SLC16A3: variants seen among roughly 807,000 people sequenced by gnomAD.
SLC16A3 encodes the protein solute carrier family 16 member 3.
In SLC16A3, 22 loss-of-function variants were observed where a neutral mutation model predicts 25.0. That is an observed-to-expected ratio of 0.88 (90% CI 0.63 to 1.26). The LOEUF (loss-of-function observed/expected upper bound fraction) is 1.26, where lower values mean the gene tolerates loss of function less well. Ranked by LOEUF, SLC16A3 falls within the 50% of genes most tolerant of loss-of-function variation. The pLI, the probability that SLC16A3 is intolerant of heterozygous loss-of-function variation, is 0.00. For synonymous variants in SLC16A3, 390 were observed against 309.2 expected, an observed-to-expected ratio of 1.26 and a Z score of -2.74; for missense variants, 731 against 666.6, an observed-to-expected ratio of 1.10 and a Z score of -1.06.
chr17:82,239,172 C>A lies in SLC16A3; in HGVS notation c.*196C>A. 1.9e-6 allele frequency: 1 copy of A among 516,722 alleles called. No individual in the cohort carries two copies. Among genetic ancestry groups the A allele is most frequent in the Non-Finnish European group, 3.2e-6 (1 of 309,052 alleles). The allele number at this position is 516,722 out of a possible 1,614,324, so 32.0% of individuals were successfully genotyped here. ...ACCGTGTCATTCCAGAGTGGATCTGCGGTGAAGCCAAGCCGCAAGGTTACA... is the reference window on the plus strand; with the variant it reads ...ACCGTGTCATTCCAGAGTGGATCTGAGGTGAAGCCAAGCCGCAAGGTTACA... On this transcript the variant is annotated 3_prime_UTR_variant, in exon 5 of 5. Coordinates refer to ENST00000582743, the MANE Select transcript of SLC16A3 (RefSeq NM_004207.4).
At chr17:82,231,107 T>G (rs1167172870) in intron 1 of SLC16A3, 2 of 151,934 alleles carry the variant, frequency 1.3e-5, no homozygotes, top group Admixed American at 1.3e-4. Context: ...CGGGGGCTCC[T>G]CCCATGGCGC....
chr17:82,233,526 G>A (rs1377619092), intron 1 of SLC16A3, among the ~76,000 whole-genome samples: 3 of 152,184 alleles, frequency 2.0e-5, no homozygotes, highest in Non-Finnish European at 4.4e-5. Context: ...TCTGTCTCCT[G>A]AGGACCCTGG....
rs368643451 is a variant in SLC16A3 at position 82,238,899 on chromosome 17, C to A, written c.1321C>A (p.Arg441=). The A allele has an allele frequency of 1.9e-6, 3 of 1,600,932 alleles. No individual in the cohort carries two copies. Among genetic ancestry groups the A allele is most frequent in the South Asian group, 1.1e-5 (1 of 89,870 alleles). The change falls in exon 5 of 5, where the codon CGG becomes AGG. Residue 441 remains arginine, a synonymous_variant. Transcript: ENST00000582743. ...KPPADSGVDL[R]EVEHFLKAEP... is the part of the protein sequence containing the mutation. The stretch of plus-strand genomic sequence containing the variant: ...TCCTGCAGACTCGGGGGTGGACTTG[C>A]GGGAGGTGGAGCATTTCCTGAAGGC...
At chr17:82,223,314 T>C (rs2050400690) in intron 1 of SLC16A3, among the ~76,000 whole-genome samples, 1 of 151,866 alleles carries the variant, frequency 6.6e-6, no homozygotes, top group Admixed American at 6.6e-5. Context: ...TCCCAAGTAG[T>C]TGGGATTACC....
chr17:82,227,959 G>A (rs1485395410), upstream of SLC16A3, among the ~76,000 whole-genome samples: 1 of 152,192 alleles, frequency 6.6e-6, no homozygotes. Context: ...AGGCCCACAC[G>A]GCCTCACTGT....
At chr17:82,223,909 C>A (rs2050403780), upstream of SLC16A3, among the ~76,000 whole-genome samples, 1 of 151,934 alleles carries the variant, frequency 6.6e-6, no homozygotes, top group African/African-American at 2.4e-5. Context: ...ATCAAGAAGA[C>A]CTGGCCAGCA....
chr17:82,226,163 A>T (rs558559623), upstream of SLC16A3, among the ~76,000 whole-genome samples: 1 of 151,784 alleles, frequency 6.6e-6, no homozygotes, highest in African/African-American at 2.4e-5. Flanking sequence ...TGGGAACAAA[A>T]GGAAGTTGGG....
chr17:82,238,045 T>A, intron 4 of SLC16A3, 152 bp downstream of exon 4: 1 of 901,872 alleles, frequency 1.1e-6, no homozygotes, highest in South Asian at 1.7e-5. Context: ...ACCCTGATTC[T>A]GCTGGGGCTA....
At chr17:82,233,451 A>C (rs7502358) in intron 1 of SLC16A3, among the ~76,000 whole-genome samples, 97,041 of 151,794 alleles carry the variant, frequency 0.64, 32,219 homozygotes, top group East Asian at 0.92. Context: ...CCTCCTTGAC[A>C]CTAATTCAGG....
intron 1 of SLC16A3, among the ~76,000 whole-genome samples, chr17:82,232,922 G>GGGT (rs1282951857): frequency 6.6e-6 from 1 of 150,890 alleles, no homozygotes; most frequent in African/African-American, 2.4e-5. Flanking sequence ...GGGCGGCGGG[G>GGGT]GGGGGGTTGG....
At chr17:82,233,270 G>C (rs1251974395) in intron 1 of SLC16A3, among the ~76,000 whole-genome samples, 1 of 152,228 alleles carries the variant, frequency 6.6e-6, no homozygotes, top group Non-Finnish European at 1.5e-5. Context: ...GGTGAGGACA[G>C]ACGATGGTGC....
chr17:82,232,815 T>G (rs1035990879), intron 1 of SLC16A3, among the ~76,000 whole-genome samples: 1 of 146,334 alleles, frequency 6.8e-6, no homozygotes, highest in Non-Finnish European at 1.5e-5. Flanking sequence ...CGTAGAGCCT[T>G]TGGGGGACCT....
intron 1 of SLC16A3, among the ~76,000 whole-genome samples, chr17:82,232,918 CGG>C (rs150048859): frequency 6.4e-5 from 3 of 47,210 alleles, no homozygotes; most frequent in African/African-American, 2.2e-4. Context: ...TGGGGGGCGG[CGG>C]GGGGGGGGTT....
In SLC16A3 at chr17:82,237,286, C is replaced by A; in HGVS notation, c.516C>A (p.Asp172Glu). The A allele has an allele frequency of 6.4e-7, 1 of 1,563,378 alleles. No individual in the cohort carries two copies. The highest frequency in any genetic ancestry group is 8.7e-7 in the Non-Finnish European group (1 of 1,154,108). Residue 172 changes from aspartate (D) to glutamate (E), a missense_variant, in exon 4 of 5, where the codon GAC becomes GAA. By Grantham distance (45) the Asp-to-Glu change is conservative. Coordinates refer to ENST00000582743, the MANE Select transcript of SLC16A3 (RefSeq NM_004207.4). Reference protein sequence around the residue: ...ALSPLGQLLQDRYGWRGGFLI... With the variant: ...ALSPLGQLLQERYGWRGGFLI... Reference sequence around the variant, plus strand: ...GCCCGCTGGGGCAGCTGCTGCAGGACCGCTACGGCTGGCGGGGCGGCTTCC... The same window carrying A: ...GCCCGCTGGGGCAGCTGCTGCAGGAACGCTACGGCTGGCGGGGCGGCTTCC...
chr17:82,227,635 C>T (rs113528040), upstream of SLC16A3, among the ~76,000 whole-genome samples: 13 of 22,414 alleles, frequency 5.8e-4, no homozygotes, highest in Middle Eastern at 0.045. Flanking sequence ...CTGCCCTGGG[C>T]GGGAGCACCA....
At chr17:82,232,572 C>T (rs2050514854) in intron 1 of SLC16A3, among the ~76,000 whole-genome samples, 1 of 152,216 alleles carries the variant, frequency 6.6e-6, no homozygotes, top group Admixed American at 6.5e-5. Flanking sequence ...TGTGACGGGG[C>T]AGTGCAGGGG....
chr17:82,228,177 A>G (rs2050439456), upstream of SLC16A3, among the ~76,000 whole-genome samples: 1 of 152,224 alleles, frequency 6.6e-6, no homozygotes, highest in Admixed American at 6.5e-5. Context: ...TACTCCCTGG[A>G]GCCACCTCAA....
At chr17:82,234,022 A>T (rs547789694) in intron 1 of SLC16A3, 2 of 151,878 alleles carry the variant, frequency 1.3e-5, no homozygotes, top group Middle Eastern at 3.4e-3. Context: ...TTTTATTTTT[A>T]GTAGAGACGG....
rs2050690831 is a variant in SLC16A3, at chr17:82,238,871, GCCT to G, written c.1297_1299del (p.Pro433del). 2 of 1,610,700 alleles carry G rather than the reference GCCT, an allele frequency of 1.2e-6. No homozygotes were observed. The highest frequency in any genetic ancestry group is 1.3e-5 in the African/African-American group (1 of 75,056). ...CCGCGGAGGAGGAGAAGCTCCACAA[GCCT>G]CCTGCAGACTCGGGGGTGGACTTGC... On this transcript the variant is annotated inframe_deletion, in exon 5 of 5. Transcript: ENST00000582743.
Sources: gnomAD v4.1 joint callset for allele counts (sites outside exome capture counted in the v4.1 genomes callset) on GRCh38, gnomAD v4.1.1 for gene constraint, MANE v1.5 for transcripts, NCBI Gene and HGNC (gene_info 2026-07-23, HGNC 2026-07-21) for gene names.